The following LAMA1 variants were observed in gnomAD, a reference collection of about 807,000 sequenced individuals.
The protein encoded by LAMA1 is laminin subunit alpha-1.
In LAMA1, 219 loss-of-function variants were observed where a neutral mutation model predicts 348.7. The ratio of observed to expected loss-of-function variants is 0.63; its 90% CI spans 0.56 to 0.70. The LOEUF (loss-of-function observed/expected upper bound fraction) is 0.70. LAMA1 is among the 30% of genes least tolerant of loss of function. LAMA1 has a pLI of 0.00. For missense variants in LAMA1, 3,744 were observed against 3,888.0 expected (o/e 0.96, Z 0.99); for synonymous variants, 1,487 against 1,491.0 (o/e 1.00, Z 0.06).
intron 23 of LAMA1, among the ~76,000 whole-genome samples, chr18:7,013,389 A>G (rs1056339834): frequency 6.6e-6 from 1 of 152,098 alleles, no homozygotes; most frequent in African/African-American, 2.4e-5. Flanking sequence ...CACAAAACTT[A>G]TAATGACATT....
At chr18:6,975,418 C>G (rs1600363676) in intron 45 of LAMA1, among the ~76,000 whole-genome samples, 1 of 152,196 alleles carries the variant, frequency 6.6e-6, no homozygotes, top group East Asian at 1.9e-4. Flanking sequence ...AGACAGGAGC[C>G]ATGAGGTCCC....
intron 60 of LAMA1, among the ~76,000 whole-genome samples, chr18:6,947,830 G>A (rs1358945490): frequency 6.6e-6 from 1 of 152,146 alleles, no homozygotes; most frequent in African/African-American, 2.4e-5. Context: ...ACAACAGCAG[G>A]CAGTTGTTAC....
In LAMA1 at chr18:7,083,343, G is replaced by A. The variant is rs550822352; in HGVS notation, c.62-2886C>T. 4.6e-5 allele frequency among the ~76,000 whole-genome samples: 7 copies of A among 151,672 alleles called. No individual in the cohort carries two copies. The South Asian group carries it at 6.3e-4, about 14-fold the overall frequency. ...TGGGATTACACATGCGCACCACCAC[G>A]CCCAGCTAATTTTTGTATTTTTAAT... is the stretch of plus-strand genomic sequence containing the variant. On this transcript the variant is annotated intron_variant, in intron 1 of 62. Transcript: ENST00000389658.
intron 44 of LAMA1, among the ~76,000 whole-genome samples, chr18:6,976,313 T>C (rs556701848): frequency 2.8e-4 from 43 of 152,322 alleles, no homozygotes; most frequent in Admixed American, 1.8e-3. Flanking sequence ...TTATTTTATA[T>C]AGGAAACTGT....
intron 3 of LAMA1, 51 bp from the exon 4 acceptor site, chr18:7,050,987 CA>C: frequency 6.2e-7 from 1 of 1,606,060 alleles, no homozygotes; most frequent in Non-Finnish European, 8.5e-7. Context: ...ACAAGCCAGG[CA>C]CAGAATGAGA....
At chr18:7,007,398 A>G in intron 28 of LAMA1, 122 bp from the exon 29 acceptor site, 1 of 905,954 alleles carries the variant, frequency 1.1e-6, no homozygotes, top group Non-Finnish European at 1.6e-6. Flanking sequence ...GAAGTTCGAC[A>G]TCTCTATCAG....
At chr18:7,110,131 A>T (rs1366917348) in intron 1 of LAMA1, among the ~76,000 whole-genome samples, 1 of 151,790 alleles carries the variant, frequency 6.6e-6, no homozygotes, top group African/African-American at 2.4e-5. Context: ...CAGTGAGCCG[A>T]GATCACGCTA....
intron 49 of LAMA1, chr18:6,965,826 A>G: frequency 4.9e-6 from 2 of 411,556 alleles, no homozygotes; most frequent in Non-Finnish European, 8.8e-6. Context: ...CACGGTGGTC[A>G]CAGTGAACCC....
At chr18:7,100,505 C>G (rs907320970) in intron 1 of LAMA1, among the ~76,000 whole-genome samples, 2 of 152,146 alleles carry the variant, frequency 1.3e-5, no homozygotes, top group Non-Finnish European at 2.9e-5. Flanking sequence ...TATATCTAAA[C>G]AAAGAATTGT....
chr18:7,039,055 G>A (rs2058009233), intron 10 of LAMA1, 105 bp from the exon 11 acceptor site: 2 of 922,848 alleles, frequency 2.2e-6, no homozygotes, highest in Non-Finnish European at 3.6e-6. Context: ...AGAGACAGGT[G>A]AATAAACGTC....
chr18:6,942,476 C>T lies in LAMA1; in HGVS notation c.9068-237G>A, dbSNP rs956287915. ...CCACCTAGGCTGGAGTGCAGTGGCG[C>T]GATCTCGGCTCACTGCAACCTCTGC... On this transcript the variant is annotated intron_variant, in intron 62 of 62. Transcript: ENST00000389658. Among the ~76,000 whole-genome samples the T allele has an allele frequency of 3.3e-5, 5 of 151,928 alleles. No homozygotes were observed. The South Asian group carries it at 6.2e-4, about 19-fold the overall frequency.
At chr18:7,043,067 G>C (rs1568043638) in intron 8 of LAMA1, 160 bp downstream of exon 8, 2 of 689,342 alleles carry the variant, frequency 2.9e-6, no homozygotes, top group Non-Finnish European at 4.9e-6. Flanking sequence ...AAGAAAAGCA[G>C]GATAGAGTAG....
intron 19 of LAMA1, among the ~76,000 whole-genome samples, chr18:7,021,842 T>TATTATATAATATAATAA (rs1464512885): frequency 3.8e-4 from 24 of 62,454 alleles, no homozygotes; most frequent in African/African-American, 2.5e-3. Flanking sequence ...TAATAATATA[T>TATTATATAATATAATAA]TATATTATAT....
rs139129554 is a variant in LAMA1, at chr18:7,086,448, G to A, written c.62-5991C>T. Among the ~76,000 whole-genome samples the A allele has an allele frequency of 8.5e-4, 129 of 151,948 alleles. 1 individual carries two copies. The East Asian group carries it at 0.022, about 26-fold the overall frequency. ...TTGTACCTTTCATAGATCCATTCAC[G>A]CCCTATTCATCCTTCCAGCCAAGTC... is the stretch of plus-strand genomic sequence containing the variant. On this transcript the variant is annotated intron_variant, in intron 1 of 62. Coordinates refer to ENST00000389658, the MANE Select transcript of LAMA1 (RefSeq NM_005559.4).
At chr18:6,965,247 T>C in intron 50 of LAMA1, 41 bp downstream of exon 50, 6 of 1,613,460 alleles carry the variant, frequency 3.7e-6, no homozygotes, top group Non-Finnish European at 5.1e-6. Flanking sequence ...TCTATTCTTA[T>C]GAGGGTGACC....
At position 6,956,467 on chromosome 18, in the gene LAMA1, G is replaced by A. The variant is rs550959382; in HGVS notation, c.8094+169C>T. ...GGCCGTGTCATCTGAGTTGCTTGAG[G>A]CACCCTTTCCCTCCCTGTCCCCGCT... On this transcript the variant is annotated intron_variant, in intron 56 of 62. Transcript: ENST00000389658. The A allele has an allele frequency of 3.0e-5, 33 of 1,114,794 alleles. 1 individual carries two copies. The highest frequency in any genetic ancestry group is 4.3e-5 in the Non-Finnish European group (32 of 742,618). The allele number at this position is 1,114,794 out of a possible 1,614,324, so 69.1% of individuals were successfully genotyped here.
intron 46 of LAMA1, among the ~76,000 whole-genome samples, chr18:6,974,455 C>CCT (rs2057672202): frequency 3.1e-5 from 4 of 128,294 alleles, no homozygotes; most frequent in Non-Finnish European, 1.7e-5. Context: ...TATTTCTTTT[C>CCT]TTTTTTTTTT....
At chr18:7,117,076 C>T (rs1164660603) in intron 1 of LAMA1, among the ~76,000 whole-genome samples, 1 of 152,162 alleles carries the variant, frequency 6.6e-6, no homozygotes, top group Non-Finnish European at 1.5e-5. Context: ...GCGGGTCCCC[C>T]TGCCCGGGAC....
At position 7,023,238 on chromosome 18, in the gene LAMA1, T is replaced by C. The variant is rs764236064; in HGVS notation, c.2627A>G (p.Asn876Ser). ...CCTTTCACAGTGGGCGCCATCTGTG[T>C]TCCCCAGGCACTTCAGGCACTCCCC... is the stretch of plus-strand genomic sequence containing the variant. ...VTGECLKCLG[N>S]TDGAHCERCA... is the part of the protein sequence containing the mutation. Residue 876 changes from asparagine (N) to serine (S), a missense_variant, in exon 19 of 63, where the codon AAC (asparagine) becomes AGC (serine). Physicochemically the swap from Asn to Ser is conservative, Grantham distance 46 (BLOSUM62 1). Transcript: ENST00000389658. The C allele has an allele frequency of 6.2e-7, 1 of 1,613,984 alleles. No homozygotes were observed. The highest frequency in any genetic ancestry group is 1.7e-5 in the Admixed American group (1 of 60,010).
Sources: gnomAD v4.1 joint callset for allele counts (sites outside exome capture counted in the v4.1 genomes callset) on GRCh38, gnomAD v4.1.1 for gene constraint, MANE v1.5 for transcripts, NCBI Gene and HGNC (gene_info 2026-07-23, HGNC 2026-07-21) for gene names.